ABTB2: variants seen among roughly 807,000 people sequenced by gnomAD.
ABTB2 encodes the protein ankyrin repeat and BTB/POZ domain-containing protein 2.
In ABTB2, 56 loss-of-function variants were observed where a neutral mutation model predicts 104.1. The ratio of observed to expected loss-of-function variants is 0.54; its 90% CI spans 0.43 to 0.67. The LOEUF (loss-of-function observed/expected upper bound fraction) is 0.67, where lower values mean the gene tolerates loss of function less well. Among genes scored for constraint, ABTB2 ranks in the 30% least tolerant of loss-of-function variants. The pLI is 0.00. For synonymous variants in ABTB2, 606 were observed against 608.2 expected (o/e 1.00, Z 0.05); for missense variants, 1,279 against 1,407.7 (o/e 0.91, Z 1.46).
Position 34,154,583 on chromosome 11 carries a change from G to T in ABTB2, c.2766+118C>A. On this transcript the variant is annotated intron_variant, in intron 15 of 16. Transcript: ENST00000435224. This position sits in a 1 kb window ranked among gnomAD's most constrained non-coding sequence, Gnocchi z 4.9. ...TGGTGTGCACAGTTCCTCTTTCTGGGAACTGCTCTTCCTGTCAGATGGAGA... is the reference window on the plus strand; with the variant it reads ...TGGTGTGCACAGTTCCTCTTTCTGGTAACTGCTCTTCCTGTCAGATGGAGA... The T allele has an allele frequency of 1.9e-6, 2 of 1,079,292 alleles. No homozygotes were observed. Among genetic ancestry groups the T allele is most frequent in the Admixed American group, 2.0e-5 (1 of 51,120 alleles). The allele number at this position is 1,079,292 out of a possible 1,614,324, so 66.9% of individuals were successfully genotyped here.
intron 2 of ABTB2, among the ~76,000 whole-genome samples, chr11:34,204,052 T>A (rs369439488): frequency 6.6e-6 from 1 of 152,114 alleles, no homozygotes; most frequent in East Asian, 1.9e-4. Context: ...GAGCCCTGAG[T>A]CCTGGGAGAT....
intron 1 of ABTB2, among the ~76,000 whole-genome samples, chr11:34,236,347 T>C (rs1380635214): frequency 1.3e-5 from 2 of 152,222 alleles, no homozygotes; most frequent in East Asian, 3.8e-4. Flanking sequence ...AATTCACACT[T>C]GTCTTCTACC....
intron 1 of ABTB2, among the ~76,000 whole-genome samples, chr11:34,244,151 G>C (rs1853954002): frequency 6.6e-6 from 1 of 152,184 alleles, no homozygotes; most frequent in Non-Finnish European, 1.5e-5. Context: ...TCCCCAGGAG[G>C]GGGATGCTGA....
At chr11:34,229,120 G>GAAAAA (rs747636050) in intron 1 of ABTB2, among the ~76,000 whole-genome samples, 1 of 17,408 alleles carries the variant, frequency 5.7e-5, no homozygotes, top group African/African-American at 1.2e-4. Flanking sequence ...ACTCCGTCTT[G>GAAAAA]GAAAAAAAAA....
chr11:34,294,645 C>T (rs1854598984), intron 1 of ABTB2, among the ~76,000 whole-genome samples: 1 of 152,042 alleles, frequency 6.6e-6, no homozygotes, highest in Non-Finnish European at 1.5e-5. Context: ...GAGGCTAAAG[C>T]AGGACGATCC....
At chr11:34,165,172 G>T in intron 8 of ABTB2, 88 bp downstream of exon 8, 1 of 1,238,680 alleles carries the variant, frequency 8.1e-7, no homozygotes, top group Non-Finnish European at 1.1e-6. Flanking sequence ...GTGCTAAAGA[G>T]ACCCCTGCAC....
chr11:34,182,797 A>G (rs1424589185), intron 3 of ABTB2, among the ~76,000 whole-genome samples: 1 of 152,160 alleles, frequency 6.6e-6, no homozygotes, highest in Admixed American at 6.6e-5. Context: ...CAGCTGCCAC[A>G]GTGCCCTGGA....
intron 1 of ABTB2, among the ~76,000 whole-genome samples, chr11:34,259,008 T>C (rs1173311218): frequency 6.6e-6 from 1 of 152,236 alleles, no homozygotes; most frequent in Admixed American, 6.5e-5. Context: ...GCTGTTCTGC[T>C]CACATTATGC....
At chr11:34,354,250 GA>G (rs2133131349) in intron 1 of ABTB2, among the ~76,000 whole-genome samples, 1 of 152,270 alleles carries the variant, frequency 6.6e-6, no homozygotes, top group East Asian at 1.9e-4. Flanking sequence ...GTCTGCCACA[GA>G]GAATCCTGCT....
intron 1 of ABTB2, among the ~76,000 whole-genome samples, chr11:34,309,403 T>C (rs1040397645): frequency 1.3e-5 from 2 of 152,200 alleles, no homozygotes; most frequent in Non-Finnish European, 2.9e-5. Context: ...AGGACTCCTA[T>C]TGCAAAATGT....
Position 34,173,066 on chromosome 11 carries a change from G to A in ABTB2, c.1397+89C>T, listed in dbSNP as rs551087555. The A allele has an allele frequency of 4.7e-5, 72 of 1,542,594 alleles. No individual in the cohort carries two copies. In the East Asian group the frequency reaches 5.7e-4, roughly 12 times the overall value. ...CTGCAGCCCCTGCTCTCTGACCCCC[G>A]CCCAGCCATCTGGGGAAGAAGCGAG... On this transcript the variant is annotated intron_variant, in intron 4 of 16. Transcript: ENST00000435224.
intron 1 of ABTB2, chr11:34,242,430 A>G (rs1853930985): frequency 6.6e-6 from 1 of 152,422 alleles, no homozygotes; most frequent in African/African-American, 2.4e-5. Flanking sequence ...AGTATCTGAC[A>G]CGCAGCCACA....
intron 1 of ABTB2, among the ~76,000 whole-genome samples, chr11:34,320,818 T>C (rs781100562): frequency 6.6e-6 from 1 of 152,204 alleles, no homozygotes; most frequent in Non-Finnish European, 1.5e-5. Flanking sequence ...TCTTCCCCAA[T>C]ACCATTTGTA....
intron 1 of ABTB2, among the ~76,000 whole-genome samples, chr11:34,215,360 C>A (rs566482306): frequency 6.6e-6 from 1 of 152,354 alleles, no homozygotes; most frequent in African/African-American, 2.4e-5. Flanking sequence ...ACACAAGTCT[C>A]TCCTTGAGAG....
At chr11:34,286,518 C>T (rs1854508220) in intron 1 of ABTB2, among the ~76,000 whole-genome samples, 1 of 152,054 alleles carries the variant, frequency 6.6e-6, no homozygotes, top group African/African-American at 2.4e-5. Flanking sequence ...GTCTTGAACT[C>T]CTGACCTCAA....
chr11:34,297,775 A>T (rs988428689), intron 1 of ABTB2, among the ~76,000 whole-genome samples: 4 of 79,218 alleles, frequency 5.0e-5, no homozygotes, highest in African/African-American at 2.0e-4. Flanking sequence ...TCAAAAAAAA[A>T]AAAAAAAAAT....
At position 34,165,370 on chromosome 11, in the gene ABTB2, A is replaced by C. The variant is rs1565129452; in HGVS notation, c.1756-14T>G. Reference sequence around the variant, plus strand: ...ATCCAGCAGCAACTGCCAGGGGCACAGAGGAGGAGGGCACTGCTCAGCGTG... The same window carrying C: ...ATCCAGCAGCAACTGCCAGGGGCACCGAGGAGGAGGGCACTGCTCAGCGTG... On this transcript the variant is annotated splice_polypyrimidine_tract_variant and intron_variant, in intron 7 of 16. Transcript: ENST00000435224. The C allele has an allele frequency of 6.3e-7, 1 of 1,578,592 alleles. No individual in the cohort carries two copies. The highest frequency in any genetic ancestry group is 1.4e-5 in the African/African-American group (1 of 73,964).
chr11:34,192,772 G>A (rs1380953653), intron 3 of ABTB2, among the ~76,000 whole-genome samples: 1 of 152,194 alleles, frequency 6.6e-6, no homozygotes, highest in Non-Finnish European at 1.5e-5. Context: ...ATGCAGTCTG[G>A]AAGGGTGCCT....
rs186586977 is a variant in ABTB2 at position 34,178,225 on chromosome 11, G to T, written c.1245-4918C>A. On this transcript the variant is annotated intron_variant, in intron 3 of 16. Coordinates refer to ENST00000435224, the MANE Select transcript of ABTB2 (RefSeq NM_145804.3). ...GCTGGTGCCCACATGTACAAACAAG[G>T]CCCCCAAACTGATCCCTTCAGGCCT... Among the ~76,000 whole-genome samples the T allele has an allele frequency of 6.2e-4, 95 of 152,176 alleles. 1 individual carries two copies. Among genetic ancestry groups the T allele is most frequent in the Admixed American group, 5.6e-3 (85 of 15,288 alleles).
Sources: gnomAD v4.1 joint callset for allele counts (sites outside exome capture counted in the v4.1 genomes callset) on GRCh38, gnomAD v4.1.1 for gene constraint, Gnocchi (gnomAD v3.1) non-coding constraint, MANE v1.5 for transcripts, NCBI Gene and HGNC (gene_info 2026-07-23, HGNC 2026-07-21) for gene names.